Variants in TMEM9 observed in about 807,000 individuals in gnomAD.
TMEM9 encodes transmembrane protein 9.
TMEM9 carries 13 observed loss-of-function variants against 22.8 expected under a neutral mutation model. The ratio of observed to expected loss-of-function variants is 0.57; its 90% CI spans 0.37 to 0.91. The LOEUF (loss-of-function observed/expected upper bound fraction) is 0.91. Among genes scored for constraint, TMEM9 ranks in the 40% least tolerant of loss-of-function variants. TMEM9 has a pLI of 0.01. For missense variants in TMEM9, 182 were observed against 238.1 expected, an observed-to-expected ratio of 0.76 and a Z score of 1.55; for synonymous variants, 88 against 93.0, an observed-to-expected ratio of 0.95 and a Z score of 0.31.
Position 201,160,621 on chromosome 1 carries a change from ATTT to A in TMEM9, c.-36-6665_-36-6663del, listed in dbSNP as rs151096062. Reference sequence around the variant, plus strand: ...AAAATATTGAGGTTATACTGGGGAAATTTTTTTTTTTTTTTTAAAATCGAGGAC... The same window carrying A: ...AAAATATTGAGGTTATACTGGGGAAATTTTTTTTTTTTTAAAATCGAGGAC... On this transcript the variant is annotated intron_variant, in intron 1 of 5. Transcript: ENST00000367333. Among the ~76,000 whole-genome samples, 1,118 of 148,106 alleles carry A rather than the reference ATTT, an allele frequency of 7.5e-3. 21 individuals carry two copies. Among genetic ancestry groups the A allele is most frequent in the African/African-American group, 0.026 (1,061 of 40,128 alleles).
chr1:201,159,068 T>C (rs907630844), upstream of TMEM9, among the ~76,000 whole-genome samples: 7 of 149,052 alleles, frequency 4.7e-5, 1 homozygote, highest in South Asian at 4.1e-4. Context: ...TATGAGATGA[T>C]TGACTTCCTA....
intron 1 of TMEM9, among the ~76,000 whole-genome samples, chr1:201,162,069 C>T (rs182900781): frequency 3.3e-5 from 5 of 152,074 alleles, no homozygotes; most frequent in African/African-American, 7.2e-5. Flanking sequence ...ATGCCAGGAA[C>T]CTTTTAATAC....
chr1:201,145,096 A>G (rs1664852106), intron 3 of TMEM9: 1 of 152,200 alleles, frequency 6.6e-6, no homozygotes, highest in Non-Finnish European at 1.5e-5. Context: ...CAGGGCAAAT[A>G]ATCAGACCTC....
intron 1 of TMEM9, among the ~76,000 whole-genome samples, chr1:201,170,531 C>A (rs1349683310): frequency 1.3e-5 from 2 of 152,072 alleles, no homozygotes; most frequent in African/African-American, 4.8e-5. Context: ...TAACTGGGTG[C>A]TGAAATGCTG....
At chr1:201,145,599 AT>A (rs1224147619) in intron 3 of TMEM9, 3 of 152,182 alleles carry the variant, frequency 2.0e-5, no homozygotes, top group Non-Finnish European at 2.9e-5. Flanking sequence ...AAATATGAGA[AT>A]TATTTTCCAA....
At chr1:201,142,889 C>A (rs990955366) in intron 4 of TMEM9, among the ~76,000 whole-genome samples, 5 of 152,376 alleles carry the variant, frequency 3.3e-5, no homozygotes, top group African/African-American at 1.2e-4. Flanking sequence ...AGGCAAGATT[C>A]CCCTAGACCA....
intron 1 of TMEM9, among the ~76,000 whole-genome samples, chr1:201,164,654 T>C (rs896210997): frequency 6.6e-6 from 1 of 152,092 alleles, no homozygotes; most frequent in South Asian, 2.1e-4. Context: ...TGGGATCCAA[T>C]AGAGAAATGG....
chr1:201,141,462 C>T (rs1450833583), intron 4 of TMEM9, among the ~76,000 whole-genome samples: 1 of 152,140 alleles, frequency 6.6e-6, no homozygotes, highest in Non-Finnish European at 1.5e-5. Flanking sequence ...GGGGCACTTC[C>T]TTACCCAGCC....
chr1:201,146,535 C>T (rs1664987339), intron 3 of TMEM9: 9 of 671,176 alleles, frequency 1.3e-5, no homozygotes, highest in South Asian at 1.1e-4. Context: ...GTAATGGTAA[C>T]TACTGGAAAG....
chr1:201,149,584 C>T (rs1241756448), intron 2 of TMEM9, among the ~76,000 whole-genome samples: 1 of 152,158 alleles, frequency 6.6e-6, no homozygotes, highest in Non-Finnish European at 1.5e-5. Context: ...AATCTCTCAA[C>T]ACTAGGTGGC....
chr1:201,140,593 G>A (rs532349811), intron 4 of TMEM9, among the ~76,000 whole-genome samples: 1 of 152,172 alleles, frequency 6.6e-6, no homozygotes. Context: ...CCCTGGGCAG[G>A]AGAGCTCCTG....
intron 4 of TMEM9, among the ~76,000 whole-genome samples, chr1:201,136,022 G>C (rs942887905): frequency 6.6e-6 from 1 of 152,196 alleles, no homozygotes; most frequent in Non-Finnish European, 1.5e-5. Context: ...GGAAGCCTTA[G>C]TGTCTGTAGC....
chr1:201,139,802 C>A (rs6703834), intron 4 of TMEM9, among the ~76,000 whole-genome samples: 138,352 of 152,276 alleles, frequency 0.91, 62,981 homozygotes, highest in South Asian at 0.93. Flanking sequence ...CTGAGGTAAA[C>A]ATGATTATGT....
chr1:201,165,150 T>TTTTATATATATATATATATA (rs1203599097), intron 1 of TMEM9, among the ~76,000 whole-genome samples: 2 of 87,092 alleles, frequency 2.3e-5, no homozygotes, highest in Admixed American at 1.4e-4. Context: ...TAAGAGAAAA[T>TTTTATATATATATATATATA]TATATATATA....
At chr1:201,164,907 G>A (rs1042571960) in intron 1 of TMEM9, among the ~76,000 whole-genome samples, 7 of 151,740 alleles carry the variant, frequency 4.6e-5, no homozygotes, top group Admixed American at 2.6e-4. Flanking sequence ...TCCATTAACC[G>A]ATTATTGTGG....
intron 2 of TMEM9, among the ~76,000 whole-genome samples, chr1:201,147,192 A>G (rs1368687963): frequency 6.6e-6 from 1 of 152,170 alleles, no homozygotes; most frequent in African/African-American, 2.4e-5. Context: ...GGTTCAACTC[A>G]GAAGCTGACG....
In TMEM9 at chr1:201,153,933, G is replaced by C; in HGVS notation, c.-10C>G. The C allele has an allele frequency of 1.2e-6, 2 of 1,603,280 alleles. No individual in the cohort carries two copies. The highest frequency in any genetic ancestry group is 2.2e-5 in the East Asian group (1 of 44,694). On this transcript the variant is annotated 5_prime_UTR_variant, in exon 1 of 5. Coordinates refer to ENST00000367330, the MANE Select transcript of TMEM9 (RefSeq NM_001288565.2). ...AAGATAAGAGCTTCATGCTTATCAG[G>C]CTTGCTGGGCCAGCAAAGCCGGACA...
At chr1:201,160,844 G>C (rs1192722223) in intron 1 of TMEM9, among the ~76,000 whole-genome samples, 2 of 151,652 alleles carry the variant, frequency 1.3e-5, no homozygotes, top group Non-Finnish European at 1.5e-5. Flanking sequence ...GCTGAGGCAG[G>C]AGAATGGCGT....
chr1:201,155,691 C>A (rs976624755), upstream of TMEM9, among the ~76,000 whole-genome samples: 1 of 152,164 alleles, frequency 6.6e-6, no homozygotes. Context: ...ATCCTGGTTC[C>A]TCCCTTCCTA....
Sources: gnomAD v4.1 joint callset for allele counts (sites outside exome capture counted in the v4.1 genomes callset) on GRCh38, gnomAD v4.1.1 for gene constraint, MANE v1.5 for transcripts, NCBI Gene and HGNC (gene_info 2026-07-23, HGNC 2026-07-21) for gene names.